Variants in PLCE1 observed in about 807,000 individuals in gnomAD.
PLCE1 encodes the protein phospholipase C epsilon 1.
In PLCE1, 119 loss-of-function variants were observed where a neutral mutation model predicts 242.8. The observed-to-expected ratio is 0.49, with a 90% CI of 0.42 to 0.57. The LOEUF (loss-of-function observed/expected upper bound fraction) is 0.57. Ranked by LOEUF, PLCE1 falls within the 20% of genes least tolerant of loss-of-function variation. The pLI is 0.00. For synonymous variants in PLCE1, 945 were observed against 1,017.4 expected (o/e 0.93, Z 1.35); for missense variants, 2,441 against 2,788.8 (o/e 0.88, Z 2.81).
chr10:94,322,541 T>G (rs956764354), intron 30 of PLCE1, among the ~76,000 whole-genome samples: 1 of 152,066 alleles, frequency 6.6e-6, no homozygotes, highest in Admixed American at 6.6e-5. Context: ...TCCCAACACT[T>G]TGTGGGGCCA....
At chr10:94,124,716 G>A (rs940832008) in intron 2 of PLCE1, among the ~76,000 whole-genome samples, 9 of 152,108 alleles carry the variant, frequency 5.9e-5, no homozygotes, top group South Asian at 2.1e-4. Flanking sequence ...ACATTAATCC[G>A]TATCTTGGTT....
intron 3 of PLCE1, among the ~76,000 whole-genome samples, chr10:94,154,627 A>G (rs10882400): frequency 0.36 from 55,439 of 151,930 alleles, 11,500 homozygotes; most frequent in East Asian, 0.56. Context: ...CAACAACACA[A>G]TTCAAAAATG....
chr10:94,204,500 T>C (rs2995681), intron 4 of PLCE1, among the ~76,000 whole-genome samples: 104,702 of 151,588 alleles, frequency 0.69, 37,487 homozygotes, highest in South Asian at 0.81. Context: ...AACTGCGTCT[T>C]TACTAAAAAT....
At chr10:94,205,048 A>G (rs982148946) in intron 4 of PLCE1, among the ~76,000 whole-genome samples, 1 of 152,182 alleles carries the variant, frequency 6.6e-6, no homozygotes, top group African/African-American at 2.4e-5. Flanking sequence ...AGGAATGAAT[A>G]CCTGGTATGA....
intron 26 of PLCE1, among the ~76,000 whole-genome samples, chr10:94,307,798 T>C (rs1163420470): frequency 6.6e-6 from 1 of 152,212 alleles, no homozygotes; most frequent in African/African-American, 2.4e-5. Flanking sequence ...TATAGTCACA[T>C]TCTGAGGTAC....
At chr10:94,179,896 T>C (rs2048254359) in intron 4 of PLCE1, among the ~76,000 whole-genome samples, 1 of 150,232 alleles carries the variant, frequency 6.7e-6, no homozygotes, top group Admixed American at 6.6e-5. Flanking sequence ...AAAGCACTTA[T>C]CAGGGACCAA....
intron 4 of PLCE1, among the ~76,000 whole-genome samples, chr10:94,177,814 A>G (rs2048171830): frequency 6.6e-6 from 1 of 152,106 alleles, no homozygotes; most frequent in Non-Finnish European, 1.5e-5. Flanking sequence ...AATTTTACCA[A>G]AAAGATTACA....
intron 4 of PLCE1, among the ~76,000 whole-genome samples, chr10:94,191,840 T>C (rs2048676872): frequency 6.6e-6 from 1 of 152,156 alleles, no homozygotes; most frequent in South Asian, 2.1e-4. Context: ...CCTGTTGAAG[T>C]AGTGAGTTTC....
intron 4 of PLCE1, among the ~76,000 whole-genome samples, chr10:94,184,841 T>A (rs2048420838): frequency 7.3e-6 from 1 of 137,122 alleles, no homozygotes; most frequent in Admixed American, 7.3e-5. Flanking sequence ...GAACTTGACT[T>A]GCTTATTTTT....
intron 2 of PLCE1, among the ~76,000 whole-genome samples, chr10:94,113,412 C>A (rs528267015): frequency 6.6e-6 from 1 of 152,190 alleles, no homozygotes; most frequent in East Asian, 1.9e-4. Context: ...GGGACAATAA[C>A]TGAGGGCAAA....
At chr10:94,303,809 T>TA (rs1161633488) in intron 24 of PLCE1, among the ~76,000 whole-genome samples, 2 of 151,994 alleles carry the variant, frequency 1.3e-5, no homozygotes, top group African/African-American at 2.4e-5. Flanking sequence ...AAATATTCAT[T>TA]AAAAAAAATG....
At chr10:94,146,583 A>G (rs1378814044) in intron 3 of PLCE1, among the ~76,000 whole-genome samples, 3 of 152,106 alleles carry the variant, frequency 2.0e-5, no homozygotes, top group Admixed American at 6.5e-5. Flanking sequence ...CATGAAAACC[A>G]TTAGGGATCC....
intron 29 of PLCE1, among the ~76,000 whole-genome samples, chr10:94,320,839 C>A (rs923994655): frequency 1.3e-5 from 2 of 152,114 alleles, no homozygotes; most frequent in African/African-American, 2.4e-5. Flanking sequence ...TACATAGTCA[C>A]ATACACAAAA....
At chr10:94,023,804 G>C (rs1292211254) in intron 1 of PLCE1, among the ~76,000 whole-genome samples, 1 of 152,054 alleles carries the variant, frequency 6.6e-6, no homozygotes. Flanking sequence ...ATAAAGATTA[G>C]GGTATCTGGG....
At chr10:94,264,496 G>T (rs1373429587) in intron 14 of PLCE1, among the ~76,000 whole-genome samples, 1 of 151,322 alleles carries the variant, frequency 6.6e-6, no homozygotes, top group Admixed American at 6.6e-5. Context: ...TTTGAGCAGG[G>T]GAGTAACATG....
chr10:94,194,225 A>G (rs1056874399), intron 4 of PLCE1, among the ~76,000 whole-genome samples: 2 of 152,184 alleles, frequency 1.3e-5, no homozygotes, highest in African/African-American at 2.4e-5. Context: ...AAATTTCTTA[A>G]TTTGCCTAGT....
intron 2 of PLCE1, among the ~76,000 whole-genome samples, chr10:94,084,861 A>C (rs2044758478): frequency 6.6e-6 from 1 of 152,192 alleles, no homozygotes; most frequent in Admixed American, 6.5e-5. Context: ...CAGGTCTCAA[A>C]ATCTATCTTA....
intron 4 of PLCE1, among the ~76,000 whole-genome samples, chr10:94,191,454 C>T (rs1036683849): frequency 6.6e-5 from 10 of 152,132 alleles, no homozygotes; most frequent in Admixed American, 2.0e-4. Context: ...CGAGCCTGGG[C>T]GACATAGCGA....
At chr10:94,166,261 T>C (rs761634395) in intron 3 of PLCE1, among the ~76,000 whole-genome samples, 10 of 152,196 alleles carry the variant, frequency 6.6e-5, no homozygotes, top group Admixed American at 1.3e-4. Flanking sequence ...TTGGTCTATA[T>C]TTTTGCAAGA....
Sources: allele counts gnomAD v4.1 joint callset (sites outside exome capture counted in the v4.1 genomes callset), GRCh38; gene constraint gnomAD v4.1.1; transcripts MANE v1.5; gene names NCBI Gene and HGNC (gene_info 2026-07-23, HGNC 2026-07-21).